MRPL52: variants seen among roughly 807,000 people sequenced by gnomAD.
The protein encoded by MRPL52 is mitochondrial ribosomal protein L52, also known as large ribosomal subunit protein mL52.
A neutral mutation model predicts 22.1 loss-of-function variants in MRPL52; 19 were observed. That is an observed-to-expected ratio of 0.86 (90% confidence interval 0.60 to 1.26). MRPL52 has a LOEUF of 1.26. Among genes scored for constraint, MRPL52 ranks in the 50% most tolerant of loss-of-function variants. MRPL52 has a pLI of 0.00. For missense variants in MRPL52, 152 were observed against 148.1 expected, an observed-to-expected ratio of 1.03 and a Z score of -0.14; for synonymous variants, 50 against 57.5, an observed-to-expected ratio of 0.87 and a Z score of 0.59.
chr14:22,831,106 CTTTTTTTTTTTT>C, intron 3 of MRPL52: 19 of 164,914 alleles, frequency 1.2e-4, no homozygotes, highest in African/African-American at 8.2e-4. Context: ...CATATGACTG[CTTTTTTTTTTTT>C]TTTTTTTTTT....
intron 3 of MRPL52, chr14:22,831,106 C>CTTTTTTTTGTTTTTTTTT (rs2039604082): frequency 1.4e-5 from 2 of 140,982 alleles, no homozygotes; most frequent in African/African-American, 5.7e-5. Flanking sequence ...CATATGACTG[C>CTTTTTTTTGTTTTTTTTT]TTTTTTTTTT....
intron 3 of MRPL52, 45 bp downstream of exon 3, chr14:22,830,299 C>T: frequency 3.1e-6 from 5 of 1,600,644 alleles, no homozygotes; most frequent in East Asian, 2.2e-5. Flanking sequence ...AGATTTTCAC[C>T]TAGAGGGAAC....
intron 4 of MRPL52, 33 bp from the exon 5 acceptor site, chr14:22,834,139 A>G: frequency 6.2e-7 from 1 of 1,610,684 alleles, no homozygotes; most frequent in Admixed American, 1.7e-5. Context: ...GAAGTCCCAG[A>G]TGTTATCCAC....
chr14:22,835,023 T>C lies in MRPL52; in HGVS notation c.*702T>C, dbSNP rs546297730. 1.3e-5 allele frequency: 2 copies of C among 152,270 alleles called. No individual in the cohort carries two copies. Among genetic ancestry groups the C allele is most frequent in the African/African-American group, 4.8e-5 (2 of 41,534 alleles). 9.4% of individuals were successfully genotyped at this position (152,270 alleles called of 1,614,324 possible). On this transcript the variant is annotated 3_prime_UTR_variant, in exon 5 of 5. Transcript: ENST00000397496. ...ATGTACAGCTGGCATCTAATAAATG[T>C]TTTCATGAAAAAGATTTTCTAGCCA...
Position 22,833,499 on chromosome 14 carries a change from A to G in MRPL52, c.219+17A>G, listed in dbSNP as rs1274214072. On this transcript the variant is annotated intron_variant, in intron 4 of 4. Coordinates refer to ENST00000397496, the MANE Select transcript of MRPL52 (RefSeq NM_180982.3). ...ACGTTTGCAGTGAGTGGTTAGAGCAACAGCCAGGGCTACCTGGAAGGAGAA... is the reference window on the plus strand; with the variant it reads ...ACGTTTGCAGTGAGTGGTTAGAGCAGCAGCCAGGGCTACCTGGAAGGAGAA... 6.3e-7 allele frequency: 1 copy of G among 1,596,900 alleles called. No individual in the cohort carries two copies. Among genetic ancestry groups the G allele is most frequent in the Non-Finnish European group, 8.6e-7 (1 of 1,164,262 alleles).
chr14:22,829,946 T>C lies in MRPL52; in HGVS notation c.28+6T>C. 1.2e-6 allele frequency: 2 copies of C among 1,605,870 alleles called. No homozygotes were observed. Among genetic ancestry groups the C allele is most frequent in the Non-Finnish European group, 8.5e-7 (1 of 1,175,738 alleles). On this transcript the variant is annotated splice_donor_region_variant and intron_variant, in intron 1 of 4. Transcript: ENST00000397496. ...TTTAGGGACTGTTCTCTTCAGTGAG[T>C]GGGTATAGATAGGGACCGTGGACTC...
intron 4 of MRPL52, 123 bp downstream of exon 4, chr14:22,833,605 G>A (rs2039673255): frequency 1.5e-6 from 1 of 687,466 alleles, no homozygotes; most frequent in Non-Finnish European, 2.5e-6. Flanking sequence ...ATTAATAACA[G>A]CCAAAGGTTT....
intron 3 of MRPL52, chr14:22,833,209 G>T: frequency 6.0e-6 from 3 of 500,240 alleles, no homozygotes; most frequent in Non-Finnish European, 7.1e-6. Flanking sequence ...AAATGAAATA[G>T]AGTAGTAATA....
intron 3 of MRPL52, 23 bp from the exon 4 acceptor site, chr14:22,833,395 T>C: frequency 1.3e-6 from 2 of 1,577,152 alleles, no homozygotes; most frequent in Non-Finnish European, 1.7e-6. Flanking sequence ...AACACTTGAC[T>C]TTTCTCTCAC....
At chr14:22,832,202 T>A (rs561932756) in intron 3 of MRPL52, 2 of 152,306 alleles carry the variant, frequency 1.3e-5, no homozygotes, top group African/African-American at 4.8e-5. Flanking sequence ...CTGGGAAAGT[T>A]AGGGTTTGAG....
At chr14:22,829,961 A>G in intron 1 of MRPL52, 21 bp downstream of exon 1, 4 of 1,604,418 alleles carry the variant, frequency 2.5e-6, no homozygotes, top group Non-Finnish European at 3.4e-6. Flanking sequence ...ATAGATAGGG[A>G]CCGTGGACTC....
Position 22,829,903 on chromosome 14 carries a change from C to A in MRPL52, c.-10C>A. 4 of 1,567,050 alleles carry A rather than the reference C, an allele frequency of 2.6e-6. No individual in the cohort carries two copies. Among genetic ancestry groups the A allele is most frequent in the Non-Finnish European group, 3.5e-6 (4 of 1,154,166 alleles). The stretch of plus-strand genomic sequence containing the variant: ...CCTACTTCCGGCTACCCCGGCTACT[C>A]CTGCTCAGCATGGCTGCTTTAGGGA... On this transcript the variant is annotated 5_prime_UTR_variant, in exon 1 of 5. Coordinates refer to ENST00000397496, the MANE Select transcript of MRPL52 (RefSeq NM_180982.3).
chr14:22,830,541 A>G, intron 3 of MRPL52: 2 of 468,076 alleles, frequency 4.3e-6, no homozygotes, highest in Non-Finnish European at 7.6e-6. Flanking sequence ...GCGTTTTTCA[A>G]AGGGGGACAT....
intron 4 of MRPL52, among the ~76,000 whole-genome samples, chr14:22,833,960 GA>G (rs1373242355): frequency 1.3e-5 from 2 of 152,226 alleles, no homozygotes; most frequent in Non-Finnish European, 2.9e-5. Context: ...AAGGGAGGAA[GA>G]GAGTGGGGCA....
In MRPL52 at chr14:22,830,082, G is replaced by A. The variant is rs1318281847; in HGVS notation, c.58G>A (p.Ala20Thr). ...CCGGAGGCTGCACTGCAGCGTAGCC[G>A]CTTGGGCGGGCGGCCAGTGGCGACT... Reference protein sequence around the residue: ...SVRRLHCSVAAWAGGQWRLQQ... With the variant: ...SVRRLHCSVATWAGGQWRLQQ... Residue 20 changes from alanine (A) to threonine (T), a missense_variant, in exon 2 of 5, where the codon GCT becomes ACT. By Grantham distance (58) the Ala-to-Thr change is moderately conservative. Transcript: ENST00000397496. 1.2e-6 allele frequency: 2 copies of A among 1,614,070 alleles called. No homozygotes were observed. Among genetic ancestry groups the A allele is most frequent in the Non-Finnish European group, 1.7e-6 (2 of 1,180,020 alleles).
At chr14:22,831,309 G>C (rs1381221728) in intron 3 of MRPL52, 6 of 327,372 alleles carry the variant, frequency 1.8e-5, no homozygotes, top group South Asian at 1.2e-4. Context: ...GTAGAGACAG[G>C]CTCTTGCTAT....
At position 22,830,079 on chromosome 14, in the gene MRPL52, G is replaced by A. The variant is rs768181532; in HGVS notation, c.55G>A (p.Ala19Thr). ...TGTCCGGAGGCTGCACTGCAGCGTA[G>A]CCGCTTGGGCGGGCGGCCAGTGGCG... ...FSVRRLHCSV[A>T]AWAGGQWRLQ... Residue 19 changes from alanine (A) to threonine (T), a missense_variant, in exon 2 of 5, where the codon GCC (alanine) becomes ACC (threonine). Transcript: ENST00000397496. The A allele has an allele frequency of 1.2e-6, 2 of 1,614,168 alleles. No homozygotes were observed. Among genetic ancestry groups the A allele is most frequent in the Admixed American group, 3.3e-5 (2 of 60,034 alleles).
In MRPL52 at chr14:22,829,970, TC is replaced by T. The variant is rs1268911149; in HGVS notation, c.28+31del. On this transcript the variant is annotated intron_variant, in intron 1 of 4. Coordinates refer to ENST00000397496, the MANE Select transcript of MRPL52 (RefSeq NM_180982.3). ...GTGGGTATAGATAGGGACCGTGGAC[TC>T]GGGGGCCCTTTGGGGACGGGCACAG... The T allele has an allele frequency of 4.3e-6, 7 of 1,612,132 alleles. No homozygotes were observed. The African/African-American group carries it at 8.0e-5, about 18-fold the overall frequency.
At chr14:22,831,884 A>G (rs1294268451) in intron 3 of MRPL52, 2 of 152,236 alleles carry the variant, frequency 1.3e-5, no homozygotes, top group Non-Finnish European at 2.9e-5. Context: ...CCATGCATCT[A>G]CAGTTCCAGA....
Sources: allele counts gnomAD v4.1 joint callset (sites outside exome capture counted in the v4.1 genomes callset), GRCh38; gene constraint gnomAD v4.1.1; transcripts MANE v1.5; gene names NCBI Gene and HGNC (gene_info 2026-07-23, HGNC 2026-07-21).